GABRB2: variants seen among roughly 807,000 people sequenced by gnomAD.
The protein encoded by GABRB2 is gamma-aminobutyric acid receptor subunit beta-2.
Under a neutral mutation model 54.7 loss-of-function variants are expected in GABRB2, and 16 were observed. The observed-to-expected ratio is 0.29, with a 90% CI of 0.20 to 0.44. The LOEUF (loss-of-function observed/expected upper bound fraction) is 0.44. GABRB2 is among the 20% of genes least tolerant of loss of function. GABRB2 has a pLI of 1.00. For missense variants in GABRB2, 355 were observed against 644.0 expected (o/e 0.55, Z 4.86); for synonymous variants, 244 against 233.8 (o/e 1.04, Z -0.40).
chr5:161,357,479 T>C (rs1754667905), intron 5 of GABRB2, among the ~76,000 whole-genome samples: 1 of 151,072 alleles, frequency 6.6e-6, no homozygotes, highest in Non-Finnish European at 1.5e-5. Context: ...TGTTTGGAAT[T>C]TGAGTGAGAG....
intron 3 of GABRB2, among the ~76,000 whole-genome samples, chr5:161,510,644 T>C (rs531907988): frequency 6.6e-6 from 1 of 152,134 alleles, no homozygotes; most frequent in Admixed American, 6.6e-5. Context: ...TTTTGTTTTG[T>C]TTTGTCTGAG....
intron 5 of GABRB2, among the ~76,000 whole-genome samples, chr5:161,366,583 T>G (rs905503099): frequency 2.0e-5 from 3 of 152,292 alleles, no homozygotes; most frequent in African/African-American, 7.2e-5. Flanking sequence ...ACAAGGTAAG[T>G]GCTCAATTAA....
chr5:161,448,745 C>A (rs1272596906), intron 4 of GABRB2, among the ~76,000 whole-genome samples: 2 of 152,064 alleles, frequency 1.3e-5, no homozygotes, highest in African/African-American at 4.8e-5. Flanking sequence ...TGGACTTGGT[C>A]GTTCAGAAAA....
intron 4 of GABRB2, among the ~76,000 whole-genome samples, chr5:161,416,004 T>A (rs1295827229): frequency 6.6e-6 from 1 of 152,024 alleles, no homozygotes; most frequent in Non-Finnish European, 1.5e-5. Context: ...AGTGGAATGA[T>A]CTCAGCTCAC....
chr5:161,462,033 G>A (rs1444295076), intron 3 of GABRB2, among the ~76,000 whole-genome samples: 6 of 152,166 alleles, frequency 3.9e-5, no homozygotes, highest in Middle Eastern at 3.4e-3. Flanking sequence ...AACGTAACTC[G>A]TTGTAAAAAA....
At chr5:161,395,475 T>G (rs1470058322) in intron 5 of GABRB2, among the ~76,000 whole-genome samples, 1 of 152,106 alleles carries the variant, frequency 6.6e-6, no homozygotes, top group African/African-American at 2.4e-5. Context: ...GCATAATGAT[T>G]AAGAAAATAA....
chr5:161,324,864 A>G lies in GABRB2; in HGVS notation c.1191+1504T>C, dbSNP rs191603265. Among the ~76,000 whole-genome samples the G allele has an allele frequency of 9.7e-4, 148 of 152,242 alleles. 2 individuals carry two copies. Among genetic ancestry groups the G allele is most frequent in the African/African-American group, 3.4e-3 (140 of 41,584 alleles). On this transcript the variant is annotated intron_variant, in intron 9 of 9. Transcript: ENST00000393959. ...ATATTTTCATTGAACATTTTTGTTA[A>G]TATGATATTTTATGAGATAGAGGAA...
intron 4 of GABRB2, among the ~76,000 whole-genome samples, chr5:161,426,639 A>T (rs1192203557): frequency 6.6e-6 from 1 of 152,142 alleles, no homozygotes; most frequent in Non-Finnish European, 1.5e-5. Flanking sequence ...GACTAAATAA[A>T]GAATTAAAGC....
intron 3 of GABRB2, among the ~76,000 whole-genome samples, chr5:161,502,231 T>C (rs1759466665): frequency 6.6e-6 from 1 of 151,994 alleles, no homozygotes; most frequent in South Asian, 2.1e-4. Flanking sequence ...GTTGATTTGA[T>C]ACAATGAACT....
At position 161,423,062 on chromosome 5, in the gene GABRB2, G is replaced by GT. The variant is rs1188679804; in HGVS notation, c.459-12006dup. On this transcript the variant is annotated intron_variant, in intron 4 of 9. Coordinates refer to ENST00000393959, the MANE Select transcript of GABRB2 (RefSeq NM_001371727.1). ...TTTGAAAAGCTATGATTACCAGGAA[G>GT]TTTTTTCTATATTTAACAGTTTCAA... 7.2e-5 allele frequency among the ~76,000 whole-genome samples: 11 copies of GT among 152,136 alleles called. No homozygotes were observed. In the South Asian group the frequency reaches 1.9e-3, roughly 26 times the overall value.
At chr5:161,295,462 G>A (rs1186300049) in intron 9 of GABRB2, among the ~76,000 whole-genome samples, 1 of 152,064 alleles carries the variant, frequency 6.6e-6, no homozygotes, top group Non-Finnish European at 1.5e-5. Context: ...TCATTAATAA[G>A]AGTATATTTA....
intron 4 of GABRB2, among the ~76,000 whole-genome samples, chr5:161,440,075 A>AC (rs886508182): frequency 2.7e-5 from 4 of 150,712 alleles, no homozygotes; most frequent in African/African-American, 7.3e-5. Flanking sequence ...AAAAAAAAAA[A>AC]AAAACAAAAC....
intron 5 of GABRB2, among the ~76,000 whole-genome samples, chr5:161,355,253 T>C (rs1350695983): frequency 2.7e-5 from 4 of 150,132 alleles, no homozygotes; most frequent in Non-Finnish European, 5.9e-5. Context: ...GGCAAAAATG[T>C]GTCTATTTTG....
intron 3 of GABRB2, among the ~76,000 whole-genome samples, chr5:161,515,236 T>C (rs1242964483): frequency 6.6e-6 from 1 of 152,116 alleles, no homozygotes; most frequent in East Asian, 1.9e-4. Flanking sequence ...GAAGCTGTAT[T>C]TAACATTTTG....
At chr5:161,357,045 G>A (rs2962401) in intron 5 of GABRB2, among the ~76,000 whole-genome samples, 100,060 of 152,070 alleles carry the variant, frequency 0.66, 33,993 homozygotes, top group South Asian at 0.76. Flanking sequence ...GGGGAGATGG[G>A]CTATGGATAA....
chr5:161,501,597 T>C (rs1446600279), intron 3 of GABRB2, among the ~76,000 whole-genome samples: 1 of 152,170 alleles, frequency 6.6e-6, no homozygotes, highest in Non-Finnish European at 1.5e-5. Context: ...TTTTTCAATA[T>C]TGCACAGATA....
At chr5:161,535,031 G>A (rs1450228544) in intron 3 of GABRB2, among the ~76,000 whole-genome samples, 1 of 152,134 alleles carries the variant, frequency 6.6e-6, no homozygotes, top group African/African-American at 2.4e-5. Context: ...AACATTTCCT[G>A]ATAAATATTT....
At chr5:161,368,673 G>A (rs1755043315) in intron 5 of GABRB2, among the ~76,000 whole-genome samples, 1 of 152,144 alleles carries the variant, frequency 6.6e-6, no homozygotes, top group Admixed American at 6.6e-5. Flanking sequence ...ACATTTGGAG[G>A]CAATTCGTTT....
chr5:161,497,568 G>A (rs11750787), intron 3 of GABRB2, among the ~76,000 whole-genome samples: 1 of 137,814 alleles, frequency 7.3e-6, no homozygotes, highest in African/African-American at 2.7e-5. Flanking sequence ...GTTTTATTTA[G>A]TAACAAAGAC....
Sources: gnomAD v4.1 joint callset for allele counts (sites outside exome capture counted in the v4.1 genomes callset) on GRCh38, gnomAD v4.1.1 for gene constraint, MANE v1.5 for transcripts, NCBI Gene and HGNC (gene_info 2026-07-23, HGNC 2026-07-21) for gene names.